The following INTS2 variants were observed in gnomAD, a reference collection of about 807,000 sequenced individuals.
The protein encoded by INTS2 is KIAA1287.
INTS2 carries 57 observed loss-of-function variants against 139.6 expected under a neutral mutation model. That is an observed-to-expected ratio of 0.41 (90% CI 0.33 to 0.51). The LOEUF (loss-of-function observed/expected upper bound fraction) is 0.51, where lower values mean the gene tolerates loss of function less well. Among genes scored for constraint, INTS2 ranks in the 20% least tolerant of loss-of-function variants. The probability of loss-of-function intolerance (pLI) is 0.28; values close to 1 mark genes in which losing one functional copy is unlikely to be tolerated. For missense variants in INTS2, 1,196 were observed against 1,436.7 expected, an observed-to-expected ratio of 0.83 and a Z score of 2.71; for synonymous variants, 473 against 493.4, an observed-to-expected ratio of 0.96 and a Z score of 0.55.
chr17:61,924,875 T>C, intron 3 of INTS2, 86 bp downstream of exon 3: 1 of 1,378,882 alleles, frequency 7.3e-7, no homozygotes. Context: ...TCAACCTGCC[T>C]GACTTCTTGT....
intron 14 of INTS2, among the ~76,000 whole-genome samples, chr17:61,890,267 C>T (rs774317873): frequency 6.6e-6 from 1 of 152,078 alleles, no homozygotes; most frequent in Non-Finnish European, 1.5e-5. Flanking sequence ...GTGAAAAATG[C>T]AACTGTTTTT....
Position 61,872,676 on chromosome 17 carries a change from T to C in INTS2, c.2583-216A>G, listed in dbSNP as rs1406447485. 2.0e-5 allele frequency among the ~76,000 whole-genome samples: 3 copies of C among 152,178 alleles called. No homozygotes were observed. Among genetic ancestry groups the C allele is most frequent in the Admixed American group, 2.0e-4 (3 of 15,284 alleles). ...AAATAGTATTACTTGTTTCATCTTA[T>C]CAGCTAAAGTCAAATATGTATAATG... On this transcript the variant is annotated intron_variant, in intron 19 of 24. Transcript: ENST00000251334. This position sits in a 1 kb window ranked among gnomAD's most constrained non-coding sequence, Gnocchi z 4.8.
Position 61,880,994 on chromosome 17 carries a change from T to C in INTS2, c.2254+13A>G. On this transcript the variant is annotated intron_variant, in intron 17 of 24. Coordinates refer to ENST00000251334, the MANE Select transcript of INTS2 (RefSeq NM_001351695.2). ...ACAAAAGGGGTTAAAGGAGTATCAA[T>C]AATTTACTATACCTTCTTGGAGTTG... 1 of 1,605,606 alleles carries C rather than the reference T, an allele frequency of 6.2e-7. No homozygotes were observed. Among genetic ancestry groups the C allele is most frequent in the African/African-American group, 1.3e-5 (1 of 74,898 alleles).
intron 9 of INTS2, among the ~76,000 whole-genome samples, chr17:61,901,627 T>C (rs1174108424): frequency 8.2e-6 from 1 of 122,416 alleles, no homozygotes; most frequent in Non-Finnish European, 1.6e-5. Flanking sequence ...TGAGATGCAG[T>C]CCCGCTCTGT....
At chr17:61,906,271 A>T (rs1362931423) in intron 8 of INTS2, among the ~76,000 whole-genome samples, 1 of 152,220 alleles carries the variant, frequency 6.6e-6, no homozygotes, top group African/African-American at 2.4e-5. Context: ...TAAATCGGTA[A>T]ATATAAACAT....
chr17:61,918,957 C>T (rs1028176131), intron 5 of INTS2, among the ~76,000 whole-genome samples: 2 of 148,472 alleles, frequency 1.3e-5, no homozygotes, highest in Non-Finnish European at 3.0e-5. Flanking sequence ...CGGAGTCTCG[C>T]CCTGTCGCCC....
intron 7 of INTS2, among the ~76,000 whole-genome samples, chr17:61,908,916 G>A (rs894153333): frequency 6.6e-6 from 1 of 152,044 alleles, no homozygotes; most frequent in African/African-American, 2.4e-5. Context: ...CAGTATACAT[G>A]TTGTCTAGCT....
chr17:61,881,564 T>G (rs2145913647), intron 16 of INTS2, among the ~76,000 whole-genome samples: 1 of 152,258 alleles, frequency 6.6e-6, no homozygotes, highest in African/African-American at 2.4e-5. Context: ...AACATTGCAC[T>G]CCAGCTCAGG....
rs957968279 is a variant in INTS2 at position 61,870,216 on chromosome 17, C to T, written c.2779-228G>A. Among the ~76,000 whole-genome samples, 4 of 152,090 alleles carry T rather than the reference C, an allele frequency of 2.6e-5. No individual in the cohort carries two copies. The highest frequency in any genetic ancestry group is 9.7e-5 in the African/African-American group (4 of 41,402). On this transcript the variant is annotated intron_variant, in intron 20 of 24. Coordinates refer to ENST00000251334, the MANE Select transcript of INTS2 (RefSeq NM_001351695.2). The surrounding 1 kb of genome is among the most constrained non-coding windows in gnomAD (Gnocchi z 4.4). ...TCTAAAGAAAACTATGTACCCTCTCCCGATAAAAATTAACATACATAAACA... is the reference window on the plus strand; with the variant it reads ...TCTAAAGAAAACTATGTACCCTCTCTCGATAAAAATTAACATACATAAACA...
intron 18 of INTS2, among the ~76,000 whole-genome samples, chr17:61,877,599 A>G (rs2079137017): frequency 6.6e-6 from 1 of 152,232 alleles, no homozygotes. Context: ...GATCCAAGAT[A>G]TAACAGTGAT....
At position 61,924,293 on chromosome 17, in the gene INTS2, T is replaced by A. The variant is rs115689957; in HGVS notation, c.432+668A>T. Reference sequence around the variant, plus strand: ...ATTACACTTTATGGGAGAAATTGTATCCCATAAAGGTATTATCTGCTAATA... The same window carrying A: ...ATTACACTTTATGGGAGAAATTGTAACCCATAAAGGTATTATCTGCTAATA... On this transcript the variant is annotated intron_variant, in intron 3 of 24. Transcript: ENST00000251334. Among the ~76,000 whole-genome samples, 884 of 152,270 alleles carry A rather than the reference T, an allele frequency of 5.8e-3. 7 individuals carry two copies. The highest frequency in any genetic ancestry group is 0.02 in the African/African-American group (842 of 41,548).
At chr17:61,918,946 A>G (rs2079610549) in intron 5 of INTS2, among the ~76,000 whole-genome samples, 1 of 133,446 alleles carries the variant, frequency 7.5e-6, no homozygotes, top group Non-Finnish European at 1.5e-5. Flanking sequence ...TTTTTTTGAG[A>G]CGGAGTCTCG....
Position 61,927,801 on chromosome 17 carries a change from G to C in INTS2, c.-166C>G. 1 of 1,606,216 alleles carries C rather than the reference G, an allele frequency of 6.2e-7. No individual in the cohort carries two copies. The highest frequency in any genetic ancestry group is 8.5e-7 in the Non-Finnish European group (1 of 1,175,658). On this transcript the variant is annotated 5_prime_UTR_variant, in exon 1 of 25. Transcript: ENST00000251334. Reference sequence around the variant, plus strand: ...CCTAGTTGTGCCTCGAGTCGACTCGGACACCAAGAACTCAGACGCCGGGAC... The same window carrying C: ...CCTAGTTGTGCCTCGAGTCGACTCGCACACCAAGAACTCAGACGCCGGGAC...
chr17:61,913,382 GA>G lies in INTS2; in HGVS notation c.650-1313del, dbSNP rs796389508. On this transcript the variant is annotated intron_variant, in intron 5 of 24. Coordinates refer to ENST00000251334, the MANE Select transcript of INTS2 (RefSeq NM_001351695.2). ...AAAAAAGGAGCCAGAAGAAATTAAA[GA>G]AAAAAAAAAAAAGTAGCCAGAGGGA... is the stretch of plus-strand genomic sequence containing the variant. Among the ~76,000 whole-genome samples the G allele has an allele frequency of 9.4e-3, 1,148 of 121,790 alleles. 14 individuals carry two copies. The highest frequency in any genetic ancestry group is 0.029 in the African/African-American group (981 of 33,388). 79.9% of individuals were successfully genotyped at this position (121,790 alleles called of 152,430 possible).
In INTS2 at chr17:61,897,898, C is replaced by T. The variant is rs2145937729; in HGVS notation, c.1308-159G>A. 6.6e-6 allele frequency among the ~76,000 whole-genome samples: 1 copy of T among 152,250 alleles called. No homozygotes were observed. Among genetic ancestry groups the T allele is most frequent in the South Asian group, 2.1e-4 (1 of 4,828 alleles). On this transcript the variant is annotated intron_variant, in intron 9 of 24. Coordinates refer to ENST00000251334, the MANE Select transcript of INTS2 (RefSeq NM_001351695.2). The surrounding 1 kb of genome is among the most constrained non-coding windows in gnomAD (Gnocchi z 4.4). ...CTTGCTGAATTGGGCCATTAATTGT[C>T]ATTGAGGTATGAAGTAATTCTAGAG...
At chr17:61,878,946 A>AAAAAAAC (rs1555621260) in intron 17 of INTS2, among the ~76,000 whole-genome samples, 1 of 150,226 alleles carries the variant, frequency 6.7e-6, no homozygotes, top group Non-Finnish European at 1.5e-5. Flanking sequence ...AAAAAAAAAA[A>AAAAAAAC]AAAAAAAACA....
chr17:61,920,443 A>T (rs906239818), intron 4 of INTS2, among the ~76,000 whole-genome samples: 2 of 151,004 alleles, frequency 1.3e-5, no homozygotes, highest in Non-Finnish European at 3.0e-5. Flanking sequence ...CGGCCTCCCA[A>T]AATGCTGGGA....
chr17:61,869,013 T>C lies in INTS2; in HGVS notation c.3244+21A>G. On this transcript the variant is annotated intron_variant, in intron 23 of 24. Coordinates refer to ENST00000251334, the MANE Select transcript of INTS2 (RefSeq NM_001351695.2). The surrounding 1 kb of genome is among the most constrained non-coding windows in gnomAD (Gnocchi z 5.4). ...ATAATAATTTATGTCAGATGTTTGT[T>C]GATGTTGATTGGCTACATACCTGTT... 2 of 1,298,516 alleles carry C rather than the reference T, an allele frequency of 1.5e-6. No homozygotes were observed. Among genetic ancestry groups the C allele is most frequent in the South Asian group, 1.2e-5 (1 of 80,986 alleles). 80.4% of individuals were successfully genotyped at this position (1,298,516 alleles called of 1,614,324 possible).
At chr17:61,916,930 A>G (rs2079588624) in intron 5 of INTS2, among the ~76,000 whole-genome samples, 1 of 152,164 alleles carries the variant, frequency 6.6e-6, no homozygotes, top group Non-Finnish European at 1.5e-5. Flanking sequence ...CTATAAGGAC[A>G]TAAACAATTC....
Sources: allele counts gnomAD v4.1 joint callset (sites outside exome capture counted in the v4.1 genomes callset), GRCh38; gene constraint gnomAD v4.1.1; non-coding constraint Gnocchi (gnomAD v3.1); transcripts MANE v1.5; gene names NCBI Gene and HGNC (gene_info 2026-07-23, HGNC 2026-07-21).